Variants in EPHA6 observed in about 807,000 individuals in gnomAD.
The protein encoded by EPHA6 is ephrin type-A receptor 6.
A neutral mutation model predicts 112.0 loss-of-function variants in EPHA6; 50 were observed. That is an observed-to-expected ratio of 0.45 (90% CI 0.36 to 0.56). The LOEUF (loss-of-function observed/expected upper bound fraction) is 0.56, where lower values mean the gene tolerates loss of function less well. Among genes scored for constraint, EPHA6 ranks in the 20% least tolerant of loss-of-function variants. EPHA6 has a pLI of 0.00. For missense variants in EPHA6, 1,280 were observed against 1,417.4 expected, an observed-to-expected ratio of 0.90 and a Z score of 1.56; for synonymous variants, 529 against 490.7, an observed-to-expected ratio of 1.08 and a Z score of -1.03.
chr3:97,334,322 C>T (rs1163148136), intron 5 of EPHA6, among the ~76,000 whole-genome samples: 1 of 152,006 alleles, frequency 6.6e-6, no homozygotes, highest in Non-Finnish European at 1.5e-5. Flanking sequence ...AAAGCATTCT[C>T]TACTCTTCTA....
At chr3:97,556,704 C>T (rs940030267) in intron 11 of EPHA6, among the ~76,000 whole-genome samples, 2 of 151,980 alleles carry the variant, frequency 1.3e-5, no homozygotes, top group Non-Finnish European at 2.9e-5. Context: ...TCTTACTATA[C>T]AGGTTCAAAG....
intron 3 of EPHA6, among the ~76,000 whole-genome samples, chr3:97,181,156 C>G (rs2076977943): frequency 6.6e-6 from 1 of 152,090 alleles, no homozygotes; most frequent in South Asian, 2.1e-4. Flanking sequence ...AACAAGATAG[C>G]ACTGAGTACA....
chr3:97,196,088 T>TG (rs1298097499), intron 3 of EPHA6, among the ~76,000 whole-genome samples: 1 of 151,740 alleles, frequency 6.6e-6, no homozygotes, highest in African/African-American at 2.4e-5. Context: ...TCTCTCTCTC[T>TG]ATCCCCTCTT....
At chr3:97,413,855 G>A (rs1309811081) in intron 6 of EPHA6, among the ~76,000 whole-genome samples, 3 of 151,734 alleles carry the variant, frequency 2.0e-5, no homozygotes, top group African/African-American at 7.3e-5. Context: ...CAAGATAAGA[G>A]CTGCAACTAG....
intron 2 of EPHA6, among the ~76,000 whole-genome samples, chr3:96,985,345 G>A (rs1480011982): frequency 2.0e-5 from 3 of 152,114 alleles, no homozygotes; most frequent in Non-Finnish European, 4.4e-5. Flanking sequence ...GAGTACTTTA[G>A]ATTCTTTCCT....
At chr3:96,896,485 T>C (rs955830853) in intron 2 of EPHA6, among the ~76,000 whole-genome samples, 2 of 152,194 alleles carry the variant, frequency 1.3e-5, no homozygotes, top group African/African-American at 2.4e-5. Context: ...GCAGTAAGCC[T>C]GGTCCCTGTC....
intron 15 of EPHA6, among the ~76,000 whole-genome samples, chr3:97,724,805 AC>A (rs1233403456): frequency 1.3e-5 from 2 of 151,828 alleles, no homozygotes; most frequent in Non-Finnish European, 2.9e-5. Context: ...CTCTCAAAGA[AC>A]CCACTATGTA....
intron 2 of EPHA6, among the ~76,000 whole-genome samples, chr3:96,968,368 C>T (rs2042200093): frequency 6.8e-6 from 1 of 147,092 alleles, no homozygotes; most frequent in African/African-American, 2.6e-5. Flanking sequence ...TTGTAAACTA[C>T]CATAGAGAAA....
At chr3:96,900,417 A>T (rs1323882879) in intron 2 of EPHA6, among the ~76,000 whole-genome samples, 1 of 152,220 alleles carries the variant, frequency 6.6e-6, no homozygotes. Flanking sequence ...CATATAATGA[A>T]TTAAACATTA....
intron 7 of EPHA6, chr3:97,466,478 C>A (rs773788603): frequency 1.4e-6 from 2 of 1,389,256 alleles, no homozygotes; most frequent in South Asian, 1.2e-5. Flanking sequence ...ACTTTATTGC[C>A]TCAGGTAACT....
chr3:97,205,551 TG>T (rs2077693558), intron 3 of EPHA6, among the ~76,000 whole-genome samples: 1 of 152,068 alleles, frequency 6.6e-6, no homozygotes, highest in South Asian at 2.1e-4. Context: ...ATGCATGGAA[TG>T]GGAAACCTAT....
At chr3:97,364,334 T>C (rs984542029) in intron 5 of EPHA6, among the ~76,000 whole-genome samples, 5 of 151,434 alleles carry the variant, frequency 3.3e-5, no homozygotes, top group Admixed American at 2.0e-4. Flanking sequence ...ACCAATTTTT[T>C]GGAGTTTTAG....
At chr3:97,659,168 C>G (rs374736905) in intron 14 of EPHA6, among the ~76,000 whole-genome samples, 1 of 151,818 alleles carries the variant, frequency 6.6e-6, no homozygotes, top group East Asian at 1.9e-4. Flanking sequence ...CTGATTTAGT[C>G]AGTGTTTCCA....
At chr3:96,840,040 G>A (rs1403481021) in intron 1 of EPHA6, among the ~76,000 whole-genome samples, 4 of 152,038 alleles carry the variant, frequency 2.6e-5, no homozygotes, top group African/African-American at 9.7e-5. Flanking sequence ...TGAAAGAGTT[G>A]ATGGATTTCA....
At chr3:96,847,357 G>A (rs2035130415) in intron 1 of EPHA6, among the ~76,000 whole-genome samples, 1 of 151,346 alleles carries the variant, frequency 6.6e-6, no homozygotes, top group Non-Finnish European at 1.5e-5. Context: ...AAATAATTTT[G>A]GATATTTATC....
At chr3:97,208,665 T>G (rs550281450) in intron 3 of EPHA6, among the ~76,000 whole-genome samples, 1 of 152,154 alleles carries the variant, frequency 6.6e-6, no homozygotes, top group East Asian at 1.9e-4. Context: ...AAGACTTGCT[T>G]GAACCCTGGA....
intron 13 of EPHA6, among the ~76,000 whole-genome samples, chr3:97,621,387 T>G (rs2093812990): frequency 6.6e-6 from 1 of 151,930 alleles, no homozygotes; most frequent in South Asian, 2.1e-4. Context: ...TTAAGAAATC[T>G]GCACATCCTG....
At chr3:97,181,295 C>T (rs946877887) in intron 3 of EPHA6, among the ~76,000 whole-genome samples, 6 of 152,056 alleles carry the variant, frequency 3.9e-5, no homozygotes, top group African/African-American at 1.4e-4. Context: ...TCTTCAGTGC[C>T]TCTTTCAGCA....
intron 9 of EPHA6, among the ~76,000 whole-genome samples, chr3:97,480,887 A>G (rs2091517362): frequency 6.7e-6 from 1 of 148,534 alleles, no homozygotes; most frequent in Admixed American, 6.7e-5. Context: ...GGGGTGGCAG[A>G]GCAGAGGCGC....
Sources: allele counts gnomAD v4.1 joint callset (sites outside exome capture counted in the v4.1 genomes callset), GRCh38; gene constraint gnomAD v4.1.1; transcripts MANE v1.5; gene names NCBI Gene and HGNC (gene_info 2026-07-23, HGNC 2026-07-21).